PLPP5: variants seen among roughly 807,000 people sequenced by gnomAD.
PLPP5 encodes the protein phospholipid phosphatase 5.
A neutral mutation model predicts 23.6 loss-of-function variants in PLPP5; 29 were observed. The ratio of observed to expected loss-of-function variants is 1.23; its 90% confidence interval spans 0.92 to 1.68. PLPP5 has a LOEUF of 1.68. PLPP5 is among the 40% of genes most tolerant of loss of function. PLPP5 has a pLI of 0.00. For missense variants in PLPP5, 315 were observed against 332.1 expected (o/e 0.95, Z 0.40); for synonymous variants, 143 against 131.3 (o/e 1.09, Z -0.61).
chr8:38,263,361 C>T lies in PLPP5; in HGVS notation c.*1083G>A, dbSNP rs1232790129. ...TCAGATGACGATACCTGTCATTTTT[C>T]TTTTCTACCTTAGTCACTTGGCAGT... On this transcript the variant is annotated 3_prime_UTR_variant, in exon 7 of 7. Transcript: ENST00000424479. The T allele has an allele frequency of 1.0e-6, 1 of 984,820 alleles. No individual in the cohort carries two copies. The highest frequency in any genetic ancestry group is 1.1e-4 in the East Asian group (1 of 8,830). The allele number at this position is 984,820 out of a possible 1,614,324, so 61.0% of individuals were successfully genotyped here. A position where few individuals can be genotyped will look rare whatever the true frequency, so the allele number is the denominator to read the frequency against.
intron 4 of PLPP5, 110 bp downstream of exon 4, chr8:38,267,787 A>C: frequency 8.9e-7 from 1 of 1,122,622 alleles, no homozygotes; most frequent in South Asian, 1.4e-5. Context: ...ATCAGAGTGA[A>C]GATAAAGGAG....
intron 5 of PLPP5, 26 bp from the exon 6 acceptor site, chr8:38,266,337 G>C: frequency 6.3e-7 from 1 of 1,597,012 alleles, no homozygotes. Context: ...CTTTTAAGTG[G>C]TTTGTCTTTT....
rs183160609 is a variant in PLPP5, at chr8:38,268,195, C to T, written c.274+176G>A. 2.7e-6 allele frequency: 3 copies of T among 1,114,332 alleles called. No homozygotes were observed. In the African/African-American group the frequency reaches 4.7e-5, roughly 18 times the overall value. 69.0% of individuals were successfully genotyped at this position (1,114,332 alleles called of 1,614,324 possible). On this transcript the variant is annotated intron_variant, in intron 3 of 6. Transcript: ENST00000424479. ...GTGCATTTAGGCACAGGGCTGCCTG[C>T]CGTGTAGCCTGCGTAACCAAGTCCC...
rs527909098 is a variant in PLPP5, at chr8:38,267,313, G to A, written c.417C>T (p.Asp139=). Residue 139 remains aspartate (D), a synonymous_variant, in exon 5 of 7, where the codon GAC becomes GAT. Transcript: ENST00000424479. ...AGCTCTTTCGGCCCTCATTCACCAC[G>A]TCCTTATCCCCTGTACACATCAAGT... The part of the protein sequence containing the change: ...HSDLMCTGDK[D]VVNEGRKSFP... The A allele has an allele frequency of 6.2e-7, 1 of 1,613,968 alleles. No homozygotes were observed. The highest frequency in any genetic ancestry group is 1.3e-5 in the African/African-American group (1 of 75,040).
chr8:38,264,436 T>C lies in PLPP5; in HGVS notation c.*8A>G. The C allele has an allele frequency of 6.5e-7, 1 of 1,542,944 alleles. No homozygotes were observed. The highest frequency in any genetic ancestry group is 1.4e-5 in the African/African-American group (1 of 72,980). On this transcript the variant is annotated 3_prime_UTR_variant, in exon 7 of 7. Transcript: ENST00000424479. Reference sequence around the variant, plus strand: ...GCATGAGCCACCACGCCCGGCCAGATTCAATTTTTAAATATCAAAACAATA... The same window carrying C: ...GCATGAGCCACCACGCCCGGCCAGACTCAATTTTTAAATATCAAAACAATA...
rs1807171856 is a variant in PLPP5 at position 38,263,218 on chromosome 8, A to T, written c.*1226T>A. On this transcript the variant is annotated 3_prime_UTR_variant, in exon 7 of 7. Coordinates refer to ENST00000424479, the MANE Select transcript of PLPP5 (RefSeq NM_001102559.2). ...TAAAAGACAATGTCATATTTAAAGT[A>T]TAATCACAATAAAGAGAAAGGGAGC... 5.8e-6 allele frequency: 1 copy of T among 173,386 alleles called. No homozygotes were observed. The highest frequency in any genetic ancestry group is 1.1e-5 in the Non-Finnish European group (1 of 87,396). The allele number at this position is 173,386 out of a possible 1,614,324, so 10.7% of individuals were successfully genotyped here.
At chr8:38,266,557 T>G (rs1297431765) in intron 5 of PLPP5, 3 of 354,884 alleles carry the variant, frequency 8.5e-6, no homozygotes, top group Admixed American at 4.3e-5. Flanking sequence ...TGTGCCACCA[T>G]GCCCAGCTAA....
At position 38,268,113 on chromosome 8, in the gene PLPP5, T is replaced by C; in HGVS notation, c.275-153A>G. ...ATTAGGGTCCTCAGTGATCACTCTTTTGTAGCCGAGAACTTTTGTACTAGG... is the reference window on the plus strand; with the variant it reads ...ATTAGGGTCCTCAGTGATCACTCTTCTGTAGCCGAGAACTTTTGTACTAGG... On this transcript the variant is annotated intron_variant, in intron 3 of 6. Transcript: ENST00000424479. 2.1e-6 allele frequency: 3 copies of C among 1,459,110 alleles called. No homozygotes were observed. In the South Asian group the frequency reaches 4.3e-5, roughly 21 times the overall value. The allele number at this position is 1,459,110 out of a possible 1,614,324, so 90.4% of individuals were successfully genotyped here.
rs1340166941 is a variant in PLPP5 at position 38,263,499 on chromosome 8, C to T, written c.*945G>A. 15 of 985,346 alleles carry T rather than the reference C, an allele frequency of 1.5e-5. No individual in the cohort carries two copies. Among genetic ancestry groups the T allele is most frequent in the African/African-American group, 1.7e-5 (1 of 57,252 alleles). 61.0% of individuals were successfully genotyped at this position (985,346 alleles called of 1,614,324 possible). A position where few individuals can be genotyped will look rare whatever the true frequency, so the allele number is the denominator to read the frequency against. ...ATCTGTTAGTAGTGCTGAAACCACACTCCTGACCATTTTCTTCTTTATTAT... is the reference window on the plus strand; with the variant it reads ...ATCTGTTAGTAGTGCTGAAACCACATTCCTGACCATTTTCTTCTTTATTAT... On this transcript the variant is annotated 3_prime_UTR_variant, in exon 7 of 7. Coordinates refer to ENST00000424479, the MANE Select transcript of PLPP5 (RefSeq NM_001102559.2).
chr8:38,266,454 G>C, intron 5 of PLPP5, 143 bp from the exon 6 acceptor site: 1 of 775,430 alleles, frequency 1.3e-6, no homozygotes, highest in Non-Finnish European at 2.0e-6. Flanking sequence ...AGGCTGGAGT[G>C]CAGTGGCACC....
rs771770473 is a variant in PLPP5 at position 38,268,390 on chromosome 8, G to A, written c.255C>T (p.Asp85=). 5 of 1,569,944 alleles carry A rather than the reference G, an allele frequency of 3.2e-6. No individual in the cohort carries two copies. The highest frequency in any genetic ancestry group is 1.9e-5 in the Admixed American group (1 of 53,100). Residue 85 remains aspartate, a synonymous_variant, in exon 3 of 7, where the codon GAC becomes GAT. Coordinates refer to ENST00000424479, the MANE Select transcript of PLPP5 (RefSeq NM_001102559.2). ...AKFLKKADTR[D]SRQACLAASL... is the part of the protein sequence containing the mutation. Reference sequence around the variant, plus strand: ...GCTCACCCAGGCAGGCTTGTCTGCTGTCTCTTGTGTCTGCCTTCTTGAGAA... The same window carrying A: ...GCTCACCCAGGCAGGCTTGTCTGCTATCTCTTGTGTCTGCCTTCTTGAGAA...
chr8:38,268,034 A>T, intron 3 of PLPP5, 74 bp from the exon 4 acceptor site: 1 of 1,607,456 alleles, frequency 6.2e-7, no homozygotes, highest in South Asian at 1.1e-5. Flanking sequence ...TTATGAGAGC[A>T]GCCGTGCTGT....
At chr8:38,264,848 G>C in intron 6 of PLPP5, 1 of 1,598,728 alleles carries the variant, frequency 6.3e-7, no homozygotes, top group South Asian at 1.1e-5. Context: ...AGTATAATAA[G>C]CTTTGTTCAG....
Position 38,269,123 on chromosome 8 carries a change from T to TA in PLPP5, c.74+2dup. 1.3e-6 allele frequency: 2 copies of TA among 1,523,192 alleles called. No homozygotes were observed. Among genetic ancestry groups the TA allele is most frequent in the Non-Finnish European group, 1.8e-6 (2 of 1,141,280 alleles). 94.4% of individuals were successfully genotyped at this position (1,523,192 alleles called of 1,614,324 possible). ...CCCGGGCCCGGCCGTGGATCTTTCT[T>TA]ACAGGAAGGCCGCGAACAGCGCGAG... On this transcript the variant is annotated splice_region_variant and intron_variant, in intron 1 of 6. Transcript: ENST00000424479.
chr8:38,267,752 G>C, intron 4 of PLPP5, 145 bp downstream of exon 4: 1 of 846,576 alleles, frequency 1.2e-6, no homozygotes, highest in Non-Finnish European at 1.9e-6. Flanking sequence ...GGGGAAGGGA[G>C]TAAGCGTTGA....
At chr8:38,267,841 G>C (rs536614958) in intron 4 of PLPP5, 56 bp downstream of exon 4, 1 of 1,526,438 alleles carries the variant, frequency 6.6e-7, no homozygotes, top group South Asian at 1.1e-5. Context: ...TAACCTCTCT[G>C]TTCTGGTGGG....
intron 2 of PLPP5, 25 bp from the exon 3 acceptor site, chr8:38,268,486 AAAC>A: frequency 6.4e-7 from 1 of 1,553,124 alleles, no homozygotes; most frequent in Non-Finnish European, 8.7e-7. Context: ...CAGAGGTTAA[AAAC>A]AATCCAAAAA....
Position 38,267,790 on chromosome 8 carries a change from T to C in PLPP5, c.338+107A>G, listed in dbSNP as rs1807893826. ...GACAAAAGAAAAATCAGAGTGAAGA[T>C]AAAGGAGAAAAGAATGAGAAAGACG... On this transcript the variant is annotated intron_variant, in intron 4 of 6. Coordinates refer to ENST00000424479, the MANE Select transcript of PLPP5 (RefSeq NM_001102559.2). The C allele has an allele frequency of 4.3e-6, 5 of 1,152,688 alleles. No individual in the cohort carries two copies. The South Asian group carries it at 6.7e-5, about 15-fold the overall frequency. The allele number at this position is 1,152,688 out of a possible 1,614,324, so 71.4% of individuals were successfully genotyped here. A position where few individuals can be genotyped will look rare whatever the true frequency, so the allele number is the denominator to read the frequency against.
chr8:38,266,368 TC>T, intron 5 of PLPP5, 57 bp from the exon 6 acceptor site: 4 of 1,469,410 alleles, frequency 2.7e-6, no homozygotes, highest in Non-Finnish European at 3.7e-6. Flanking sequence ...ACCTCATTCA[TC>T]CCCACATAGG....
Sources: allele counts gnomAD v4.1 joint callset, GRCh38; gene constraint gnomAD v4.1.1; transcripts MANE v1.5; gene names NCBI Gene and HGNC (gene_info 2026-07-23, HGNC 2026-07-21).